TEC: variants seen among roughly 807,000 people sequenced by gnomAD.
TEC encodes the protein tec protein tyrosine kinase.
TEC carries 72 observed loss-of-function variants against 93.0 expected under a neutral mutation model. The ratio of observed to expected loss-of-function variants is 0.77; its 90% confidence interval spans 0.64 to 0.94. TEC has a LOEUF of 0.94. TEC is among the 40% of genes least tolerant of loss of function. TEC has a pLI of 0.00. For missense variants in TEC, 630 were observed against 757.9 expected (o/e 0.83, Z 1.98); for synonymous variants, 249 against 247.7 (o/e 1.01, Z -0.05).
intron 2 of TEC, among the ~76,000 whole-genome samples, chr4:48,192,324 T>C (rs1304491717): frequency 6.6e-6 from 1 of 152,152 alleles, no homozygotes; most frequent in African/African-American, 2.4e-5. Flanking sequence ...AAAAATTAGA[T>C]CAGCGATTAC....
chr4:48,261,742 G>T (rs950284611), intron 1 of TEC, among the ~76,000 whole-genome samples: 4 of 152,086 alleles, frequency 2.6e-5, no homozygotes, highest in Admixed American at 6.6e-5. Flanking sequence ...AAAGTCTGTC[G>T]CTTTGATACT....
intron 11 of TEC, among the ~76,000 whole-genome samples, chr4:48,147,966 C>G (rs1391724671): frequency 6.6e-6 from 1 of 152,118 alleles, no homozygotes; most frequent in Non-Finnish European, 1.5e-5. Context: ...ACAGTTAAGT[C>G]AGAGAAGCTT....
At chr4:48,144,046 G>A (rs1719796494) in intron 14 of TEC, among the ~76,000 whole-genome samples, 2 of 151,952 alleles carry the variant, frequency 1.3e-5, no homozygotes, top group African/African-American at 4.8e-5. Flanking sequence ...GCAACACGGT[G>A]AAACCCCATC....
intron 1 of TEC, among the ~76,000 whole-genome samples, chr4:48,233,749 C>G (rs1479490214): frequency 6.9e-6 from 1 of 144,436 alleles, no homozygotes; most frequent in Non-Finnish European, 1.5e-5. Context: ...TACTAGAAAT[C>G]AAAAATAAAA....
At chr4:48,219,327 G>T (rs1723179449) in intron 2 of TEC, among the ~76,000 whole-genome samples, 1 of 152,132 alleles carries the variant, frequency 6.6e-6, no homozygotes, top group Non-Finnish European at 1.5e-5. Context: ...CTGCAAAAGG[G>T]AGTCTCCTTT....
chr4:48,187,336 T>C (rs891798615), intron 2 of TEC, among the ~76,000 whole-genome samples: 1 of 152,024 alleles, frequency 6.6e-6, no homozygotes, highest in Non-Finnish European at 1.5e-5. Flanking sequence ...CAGAGACCCT[T>C]GTTCACATGT....
intron 1 of TEC, among the ~76,000 whole-genome samples, chr4:48,247,038 C>T (rs1724073766): frequency 1.3e-5 from 2 of 151,990 alleles, no homozygotes; most frequent in South Asian, 2.1e-4. Context: ...AGAACACTTA[C>T]CGTTAAACAA....
intron 2 of TEC, among the ~76,000 whole-genome samples, chr4:48,212,604 T>C (rs1722950514): frequency 6.6e-6 from 1 of 152,176 alleles, no homozygotes; most frequent in Non-Finnish European, 1.5e-5. Context: ...AAAACACTGA[T>C]ATTTCTGTGG....
intron 2 of TEC, among the ~76,000 whole-genome samples, chr4:48,225,705 T>C (rs891935161): frequency 4.6e-5 from 7 of 150,782 alleles, no homozygotes; most frequent in African/African-American, 1.2e-4. Context: ...AGTTTCTTTT[T>C]TTTTCTTTTT....
At chr4:48,187,133 C>G (rs555229746) in intron 2 of TEC, among the ~76,000 whole-genome samples, 2 of 152,296 alleles carry the variant, frequency 1.3e-5, no homozygotes, top group South Asian at 2.1e-4. Flanking sequence ...AACCTTACCC[C>G]CAACCCGGTG....
At chr4:48,215,884 G>T (rs1041602321) in intron 2 of TEC, among the ~76,000 whole-genome samples, 3 of 152,120 alleles carry the variant, frequency 2.0e-5, no homozygotes, top group Admixed American at 1.3e-4. Flanking sequence ...ATGAGCTTGG[G>T]TCCAGGCTTA....
At chr4:48,149,144 C>CGTGTCTTTAT (rs565243049) in intron 11 of TEC, among the ~76,000 whole-genome samples, 220 of 152,228 alleles carry the variant, frequency 1.4e-3, no homozygotes, top group Non-Finnish European at 2.5e-3. Context: ...CCCACATGCA[C>CGTGTCTTTAT]GTGTCTTTAT....
chr4:48,170,982 C>T (rs1721083091), intron 4 of TEC, among the ~76,000 whole-genome samples: 1 of 150,674 alleles, frequency 6.6e-6, no homozygotes, highest in Non-Finnish European at 1.5e-5. Flanking sequence ...ACCCAGGAGG[C>T]GGAGATTGCA....
At chr4:48,235,279 T>C (rs954783071) in intron 1 of TEC, among the ~76,000 whole-genome samples, 1 of 152,170 alleles carries the variant, frequency 6.6e-6, no homozygotes, top group Admixed American at 6.5e-5. Flanking sequence ...GGTGACTCCA[T>C]TTCTGTTTGG....
intron 15 of TEC, among the ~76,000 whole-genome samples, chr4:48,139,256 T>C (rs866943672): frequency 3.9e-4 from 60 of 152,244 alleles, no homozygotes; most frequent in African/African-American, 1.4e-3. Context: ...TGCACTTTCA[T>C]TTTTCTGTTT....
chr4:48,205,534 G>C (rs953099411), intron 2 of TEC, among the ~76,000 whole-genome samples: 1 of 152,150 alleles, frequency 6.6e-6, no homozygotes, highest in African/African-American at 2.4e-5. Context: ...CAAATAAAGA[G>C]GAGGTTCCCA....
chr4:48,266,916 T>C lies in TEC; in HGVS notation c.-46+2836A>G, dbSNP rs527654582. On this transcript the variant is annotated intron_variant, in intron 1 of 17. Transcript: ENST00000381501. The stretch of plus-strand genomic sequence containing the variant: ...ATCTAACCATTATTCAATATTCTGT[T>C]TTAACGACTGCAAGAATGGGAAAAT... 2.0e-5 allele frequency among the ~76,000 whole-genome samples: 3 copies of C among 152,278 alleles called. No homozygotes were observed. The South Asian group carries it at 6.2e-4, about 32-fold the overall frequency.
At position 48,208,126 on chromosome 4, in the gene TEC, G is replaced by A. The variant is rs1425545484; in HGVS notation, c.138+20351C>T. Reference sequence around the variant, plus strand: ...AGAGCCAAAGTCTGAGCAGAGGGTGGGAGTGGCAGGTCTCCTCTATCCCAC... The same window carrying A: ...AGAGCCAAAGTCTGAGCAGAGGGTGAGAGTGGCAGGTCTCCTCTATCCCAC... On this transcript the variant is annotated intron_variant, in intron 2 of 17. Coordinates refer to ENST00000381501, the MANE Select transcript of TEC (RefSeq NM_003215.3). 2.0e-5 allele frequency among the ~76,000 whole-genome samples: 3 copies of A among 152,302 alleles called. No homozygotes were observed. The East Asian group carries it at 5.8e-4, about 29-fold the overall frequency.
chr4:48,221,675 G>A (rs1723267785), intron 2 of TEC, among the ~76,000 whole-genome samples: 1 of 152,032 alleles, frequency 6.6e-6, no homozygotes. Context: ...CACTACGTAG[G>A]CATGATAGAT....
Sources: gnomAD v4.1 joint callset for allele counts (sites outside exome capture counted in the v4.1 genomes callset) on GRCh38, gnomAD v4.1.1 for gene constraint, MANE v1.5 for transcripts, NCBI Gene and HGNC (gene_info 2026-07-23, HGNC 2026-07-21) for gene names.